The following XXYLT1 variants were observed in gnomAD, a reference collection of about 807,000 sequenced individuals.
The protein encoded by XXYLT1 is UDP-xylose:alpha-xyloside alpha-1,3-xylosyltransferase.
XXYLT1 carries 20 observed loss-of-function variants against 28.9 expected under a neutral mutation model. The ratio of observed to expected loss-of-function variants is 0.69; its 90% CI spans 0.49 to 1.00. The LOEUF (loss-of-function observed/expected upper bound fraction) is 1.00. XXYLT1 is among the 50% of genes least tolerant of loss of function. The pLI is 0.00. For missense variants in XXYLT1, 542 were observed against 560.1 expected (o/e 0.97, Z 0.33); for synonymous variants, 257 against 253.8 (o/e 1.01, Z -0.12).
At chr3:195,177,710 A>C (rs924009500) in intron 2 of XXYLT1, among the ~76,000 whole-genome samples, 1 of 152,070 alleles carries the variant, frequency 6.6e-6, no homozygotes, top group Admixed American at 6.6e-5. Flanking sequence ...ACGATCGCTG[A>C]GTGCAGGTGT....
At chr3:195,085,016 AGAGT>A (rs1055849892) in intron 3 of XXYLT1, among the ~76,000 whole-genome samples, 3 of 152,218 alleles carry the variant, frequency 2.0e-5, no homozygotes, top group African/African-American at 7.2e-5. Flanking sequence ...AAAAACCTCC[AGAGT>A]GTGTGGTTCA....
chr3:195,200,507 C>A (rs1722806485), intron 2 of XXYLT1, among the ~76,000 whole-genome samples: 1 of 152,214 alleles, frequency 6.6e-6, no homozygotes, highest in Admixed American at 6.5e-5. Flanking sequence ...CCAGTACTTA[C>A]TAAAAGACAT....
rs912264746 is a variant in XXYLT1, at chr3:195,271,076, C to CGCCAGCGGT, written c.-27_-19dup. The stretch of plus-strand genomic sequence containing the variant: ...AGGCCCATGCGCTACGAGACCGCGG[C>CGCCAGCGGT]GCCAGCGGTGCCAGCAACGCGGGAG... On this transcript the variant is annotated 5_prime_UTR_variant, in exon 1 of 4. Transcript: ENST00000310380. 21 of 1,318,822 alleles carry CGCCAGCGGT rather than the reference C, an allele frequency of 1.6e-5. No homozygotes were observed. The African/African-American group carries it at 2.6e-4, about 17-fold the overall frequency. The allele number at this position is 1,318,822 out of a possible 1,614,324, so 81.7% of individuals were successfully genotyped here. A position where few individuals can be genotyped will look rare whatever the true frequency, so the allele number is the denominator to read the frequency against.
rs115279377 is a variant in XXYLT1 at position 195,132,291 on chromosome 3, G to A, written c.785+24158C>T. Reference sequence around the variant, plus strand: ...AATGCTCCAGCCTGGGCAACATGGCGAAACCCCATCTTTACAAATAAAGAA... The same window carrying A: ...AATGCTCCAGCCTGGGCAACATGGCAAAACCCCATCTTTACAAATAAAGAA... On this transcript the variant is annotated intron_variant, in intron 3 of 3. Coordinates refer to ENST00000310380, the MANE Select transcript of XXYLT1 (RefSeq NM_152531.5). 2.0e-3 allele frequency among the ~76,000 whole-genome samples: 310 copies of A among 152,248 alleles called. 2 individuals are homozygous for A. Among genetic ancestry groups the A allele is most frequent in the African/African-American group, 6.5e-3 (272 of 41,550 alleles).
intron 3 of XXYLT1, among the ~76,000 whole-genome samples, chr3:195,119,607 C>T (rs1718235099): frequency 6.6e-6 from 1 of 152,146 alleles, no homozygotes; most frequent in African/African-American, 2.4e-5. Flanking sequence ...TATGGCCTGA[C>T]AATGAAGCGA....
At chr3:195,087,393 G>A (rs557291312) in intron 3 of XXYLT1, 29 of 152,394 alleles carry the variant, frequency 1.9e-4, no homozygotes, top group African/African-American at 7.0e-4. Flanking sequence ...CTGTGCTTGG[G>A]GTGCTCCCTG....
chr3:195,228,886 C>A (rs1182188098), intron 1 of XXYLT1, among the ~76,000 whole-genome samples: 2 of 151,422 alleles, frequency 1.3e-5, no homozygotes, highest in African/African-American at 4.9e-5. Flanking sequence ...GATCTCGGCT[C>A]ACTGTAACCT....
chr3:195,144,239 C>T (rs1267657808), intron 3 of XXYLT1, among the ~76,000 whole-genome samples: 3 of 144,160 alleles, frequency 2.1e-5, no homozygotes, highest in Admixed American at 7.0e-5. Flanking sequence ...GCATGTGGAC[C>T]GGGGACTGGG....
chr3:195,073,110 C>G (rs769778751), intron 3 of XXYLT1, among the ~76,000 whole-genome samples: 1 of 152,212 alleles, frequency 6.6e-6, no homozygotes, highest in South Asian at 2.1e-4. Context: ...CTCAGTTTGT[C>G]GCAGGCAGGG....
At chr3:195,187,182 G>A (rs1469693908) in intron 2 of XXYLT1, among the ~76,000 whole-genome samples, 1 of 150,674 alleles carries the variant, frequency 6.6e-6, no homozygotes, top group African/African-American at 2.4e-5. Flanking sequence ...AGCTTGCAGT[G>A]AGCAGAGATC....
At position 195,180,344 on chromosome 3, in the gene XXYLT1, G is replaced by C; in HGVS notation, c.653-23763C>G. The C allele has an allele frequency of 1.0e-6, 1 of 985,518 alleles. No homozygotes were observed. Among genetic ancestry groups the C allele is most frequent in the East Asian group, 1.1e-4 (1 of 8,806 alleles). 61.0% of individuals were successfully genotyped at this position (985,518 alleles called of 1,614,324 possible). ...GGGCCCAGAAGGAAGGAGCCACAAA[G>C]GTCTGGATGGTTTATCCCCCTGGCC... On this transcript the variant is annotated intron_variant, in intron 2 of 3. Coordinates refer to ENST00000310380, the MANE Select transcript of XXYLT1 (RefSeq NM_152531.5). The surrounding 1 kb of genome is among the most constrained non-coding windows in gnomAD (Gnocchi z 5.8).
intron 2 of XXYLT1, among the ~76,000 whole-genome samples, chr3:195,196,173 G>A (rs1722616895): frequency 6.6e-6 from 1 of 152,224 alleles, no homozygotes; most frequent in Non-Finnish European, 1.5e-5. Flanking sequence ...TGAGCGCTTG[G>A]AATACAGCTA....
chr3:195,143,606 C>T (rs1237471006), intron 3 of XXYLT1, among the ~76,000 whole-genome samples: 1 of 151,536 alleles, frequency 6.6e-6, no homozygotes, highest in Non-Finnish European at 1.5e-5. Flanking sequence ...TTCTACAATC[C>T]ATTTTTAAAT....
chr3:195,234,986 T>C (rs1724472614), intron 1 of XXYLT1, among the ~76,000 whole-genome samples: 1 of 151,842 alleles, frequency 6.6e-6, no homozygotes, highest in Non-Finnish European at 1.5e-5. Flanking sequence ...TTAAAGCCAG[T>C]AACTCTTAGA....
At chr3:195,142,756 C>T (rs895731025) in intron 3 of XXYLT1, among the ~76,000 whole-genome samples, 6 of 152,210 alleles carry the variant, frequency 3.9e-5, no homozygotes, top group African/African-American at 1.4e-4. Context: ...TGCGGCCAGC[C>T]CGCCCAGGCT....
chr3:195,166,902 C>T (rs774351291), intron 2 of XXYLT1, among the ~76,000 whole-genome samples: 9 of 152,188 alleles, frequency 5.9e-5, no homozygotes, highest in Non-Finnish European at 1.5e-5. Context: ...TCGTCTTCAT[C>T]TCTTGACCTT....
intron 3 of XXYLT1, among the ~76,000 whole-genome samples, chr3:195,119,933 C>T (rs9830546): frequency 0.11 from 1,441 of 12,812 alleles, 25 homozygotes; most frequent in African/African-American, 0.27. Context: ...AGGGGCTGGG[C>T]GGGGCGGGGG....
Position 195,076,836 on chromosome 3 carries a change from C to T in XXYLT1, c.786-6725G>A, listed in dbSNP as rs534052829. Reference sequence around the variant, plus strand: ...CTGTGTCCACATTGCCCCTTTCTATCAAGACGCCAGCCATAAGGATCCGGG... The same window carrying T: ...CTGTGTCCACATTGCCCCTTTCTATTAAGACGCCAGCCATAAGGATCCGGG... On this transcript the variant is annotated intron_variant, in intron 3 of 3. Coordinates refer to ENST00000310380, the MANE Select transcript of XXYLT1 (RefSeq NM_152531.5). The surrounding 1 kb of genome is among the most constrained non-coding windows in gnomAD (Gnocchi z 5.3). 2.4e-4 allele frequency among the ~76,000 whole-genome samples: 37 copies of T among 152,288 alleles called. No individual in the cohort carries two copies. The South Asian group carries it at 7.1e-3, about 29-fold the overall frequency.
At chr3:195,157,545 G>C (rs979685891) in intron 2 of XXYLT1, among the ~76,000 whole-genome samples, 2 of 152,224 alleles carry the variant, frequency 1.3e-5, no homozygotes, top group East Asian at 3.9e-4. Context: ...AGGTGACTCC[G>C]GGCTAGAAGC....
Sources: allele counts gnomAD v4.1 joint callset (sites outside exome capture counted in the v4.1 genomes callset), GRCh38; gene constraint gnomAD v4.1.1; non-coding constraint Gnocchi (gnomAD v3.1); transcripts MANE v1.5; gene names NCBI Gene and HGNC (gene_info 2026-07-23, HGNC 2026-07-21).